The following TEAD3 variants were observed in gnomAD, a reference collection of about 807,000 sequenced individuals.
The protein encoded by TEAD3 is TEA domain transcription factor 3.
Under a neutral mutation model 55.6 loss-of-function variants are expected in TEAD3, and 15 were observed. The ratio of observed to expected loss-of-function variants is 0.27; its 90% CI spans 0.18 to 0.42. TEAD3 has a LOEUF of 0.42. Ranked by LOEUF, TEAD3 falls within the 10% of genes least tolerant of loss-of-function variation. The pLI, the probability that TEAD3 is intolerant of heterozygous loss-of-function variation, is 1.00. For missense variants in TEAD3, 407 were observed against 576.8 expected (o/e 0.71, Z 3.01); for synonymous variants, 210 against 232.2 (o/e 0.90, Z 0.87).
rs1171588886 is a variant in TEAD3 at position 35,486,299 on chromosome 6, T to C, written c.202+162A>G. ...CTGGTTAGGGGGCGAGCCCGGCTTG[T>C]TTATGAGGAGGAGCGCGGAGGAGGA... is the stretch of plus-strand genomic sequence containing the variant. On this transcript the variant is annotated intron_variant, in intron 2 of 12. Transcript: ENST00000639578. This position sits in a 1 kb window ranked among gnomAD's most constrained non-coding sequence, Gnocchi z 7.3. 6.6e-6 allele frequency among the ~76,000 whole-genome samples: 1 copy of C among 152,110 alleles called. No homozygotes were observed. The highest frequency in any genetic ancestry group is 1.9e-4 in the East Asian group (1 of 5,170).
At chr6:35,492,130 C>T (rs1055961083) in intron 1 of TEAD3, among the ~76,000 whole-genome samples, 4 of 152,206 alleles carry the variant, frequency 2.6e-5, no homozygotes, top group African/African-American at 9.7e-5. Context: ...TCCACCCCTG[C>T]AGGGACCCCA....
Position 35,484,484 on chromosome 6 carries a change from G to T in TEAD3, c.267+76C>A. On this transcript the variant is annotated intron_variant, in intron 3 of 12. Transcript: ENST00000639578. This position sits in a 1 kb window ranked among gnomAD's most constrained non-coding sequence, Gnocchi z 5.8. Reference sequence around the variant, plus strand: ...GGGCAGCCTCGAGGAGGTGGGCAGGGTAGGGGCAAGGGGTTGACCGGGGCA... The same window carrying T: ...GGGCAGCCTCGAGGAGGTGGGCAGGTTAGGGGCAAGGGGTTGACCGGGGCA... 2 of 1,442,898 alleles carry T rather than the reference G, an allele frequency of 1.4e-6. No individual in the cohort carries two copies. The highest frequency in any genetic ancestry group is 1.9e-6 in the Non-Finnish European group (2 of 1,047,782). 89.4% of individuals were successfully genotyped at this position (1,442,898 alleles called of 1,614,324 possible).
At chr6:35,497,074 T>C (rs1354558412), upstream of TEAD3, 1 of 129,498 alleles carries the variant, frequency 7.7e-6, no homozygotes, top group African/African-American at 2.8e-5. Flanking sequence ...ACGGAAAGTT[T>C]GTGTTGAGGA....
chr6:35,475,204 G>C lies in TEAD3; in HGVS notation c.1195-47C>G. On this transcript the variant is annotated intron_variant, in intron 12 of 12. Transcript: ENST00000639578. The surrounding 1 kb of genome is among the most constrained non-coding windows in gnomAD (Gnocchi z 5.4). ...GATTCAGGAGGTCAGGGAGAAAAGGGCCACGGGGCAGGGGGCTGAACAGAC... is the reference window on the plus strand; with the variant it reads ...GATTCAGGAGGTCAGGGAGAAAAGGCCCACGGGGCAGGGGGCTGAACAGAC... 6.4e-7 allele frequency: 1 copy of C among 1,569,316 alleles called. No homozygotes were observed. The highest frequency in any genetic ancestry group is 8.7e-7 in the Non-Finnish European group (1 of 1,155,662).
chr6:35,477,377 A>C lies in TEAD3; in HGVS notation c.531-5T>G. The C allele has an allele frequency of 6.2e-7, 1 of 1,600,462 alleles. No homozygotes were observed. Among genetic ancestry groups the C allele is most frequent in the Non-Finnish European group, 8.5e-7 (1 of 1,179,532 alleles). On this transcript the variant is annotated splice_polypyrimidine_tract_variant and splice_region_variant and intron_variant, in intron 7 of 12. Transcript: ENST00000639578. ...GGCTGTGCAAAGGGCTTGATGCTGC[A>C]GACAGGAGCACAGCCTGGTGAGAGG...
At chr6:35,482,751 TA>T (rs1404506767) in intron 3 of TEAD3, among the ~76,000 whole-genome samples, 1 of 152,090 alleles carries the variant, frequency 6.6e-6, no homozygotes, top group Non-Finnish European at 1.5e-5. Flanking sequence ...ATTTTTATAT[TA>T]ATTATAAAAC....
chr6:35,484,643 GA>G lies in TEAD3; in HGVS notation c.203-20del. 1 of 1,579,186 alleles carries G rather than the reference GA, an allele frequency of 6.3e-7. No homozygotes were observed. The highest frequency in any genetic ancestry group is 8.6e-7 in the Non-Finnish European group (1 of 1,161,946). ...TTTCGGCCTAGATTGGGGTGAGAGAGAAAATGAGGAGTGGGCAAAGGGTGGA... is the reference window on the plus strand; with the variant it reads ...TTTCGGCCTAGATTGGGGTGAGAGAGAAATGAGGAGTGGGCAAAGGGTGGA... On this transcript the variant is annotated intron_variant, in intron 2 of 12. Coordinates refer to ENST00000639578, the Ensembl canonical transcript of TEAD3. The surrounding 1 kb of genome is among the most constrained non-coding windows in gnomAD (Gnocchi z 5.8).
intron 1 of TEAD3, among the ~76,000 whole-genome samples, chr6:35,494,878 G>C (rs749816825): frequency 5.4e-5 from 6 of 110,994 alleles, no homozygotes; most frequent in Non-Finnish European, 9.6e-5. Flanking sequence ...CCTGCCCCCC[G>C]CCACCTTTTC....
In TEAD3 at chr6:35,491,860, C is replaced by T. The variant is rs1406901622; in HGVS notation, c.-50+5038G>A. Among the ~76,000 whole-genome samples, 1 of 152,196 alleles carries T rather than the reference C, an allele frequency of 6.6e-6. No homozygotes were observed. Among genetic ancestry groups the T allele is most frequent in the Non-Finnish European group, 1.5e-5 (1 of 68,022 alleles). ...CCTGGGGCAAGACCTGCTGGAAGAA[C>T]TGGCTGGACAGCTCCAGGGATCAGG... On this transcript the variant is annotated intron_variant, in intron 1 of 12. Coordinates refer to ENST00000639578, the Ensembl canonical transcript of TEAD3. The surrounding 1 kb of genome is among the most constrained non-coding windows in gnomAD (Gnocchi z 4.4).
intron 7 of TEAD3, 89 bp downstream of exon 7, chr6:35,478,186 C>T (rs1768191923): frequency 2.0e-6 from 3 of 1,520,372 alleles, no homozygotes; most frequent in Non-Finnish European, 2.7e-6. Context: ...TAAAACTTTG[C>T]TCAGCTGTTG....
exon 13 of TEAD3, chr6:35,474,899 T>C (rs1000268499): frequency 4.8e-6 from 3 of 628,804 alleles, no homozygotes; most frequent in African/African-American, 3.7e-5. Context: ...GTGTGTGTGC[T>C]GGGGTAGGTG....
rs773735537 is a variant in TEAD3, at chr6:35,475,161, G to C, written c.1195-4C>G. ...GGGAGTCCCGGCTCGTGACCACCTG[G>C]GGGGTGAGCAGGTAAGAGATTCAGG... On this transcript the variant is annotated splice_region_variant and splice_polypyrimidine_tract_variant and intron_variant, in intron 12 of 12. Transcript: ENST00000639578. The surrounding 1 kb of genome is among the most constrained non-coding windows in gnomAD (Gnocchi z 5.4). The C allele has an allele frequency of 5.4e-5, 85 of 1,575,508 alleles. No homozygotes were observed. The highest frequency in any genetic ancestry group is 7.0e-5 in the Non-Finnish European group (81 of 1,160,296).
At chr6:35,481,454 A>C (rs1403911578) in intron 3 of TEAD3, among the ~76,000 whole-genome samples, 1 of 152,132 alleles carries the variant, frequency 6.6e-6, no homozygotes, top group Non-Finnish European at 1.5e-5. Flanking sequence ...TAAGTATGTG[A>C]TACCACCTGG....
intron 1 of TEAD3, among the ~76,000 whole-genome samples, chr6:35,493,645 G>A (rs918546988): frequency 6.6e-6 from 1 of 152,224 alleles, no homozygotes; most frequent in African/African-American, 2.4e-5. Flanking sequence ...AGTGTCACAT[G>A]TAAGTCACAC....
intron 1 of TEAD3, among the ~76,000 whole-genome samples, chr6:35,490,492 C>T (rs558269193): frequency 6.6e-6 from 1 of 152,344 alleles, no homozygotes; most frequent in African/African-American, 2.4e-5. Context: ...GTGGCACTCC[C>T]CACACACAGC....
intron 1 of TEAD3, among the ~76,000 whole-genome samples, chr6:35,492,711 G>C (rs1768553436): frequency 6.6e-6 from 1 of 151,592 alleles, no homozygotes; most frequent in Non-Finnish European, 1.5e-5. Flanking sequence ...GGAGCAGAGG[G>C]GGTTGGGATA....
exon 7 of TEAD3, chr6:35,478,306 G>A (rs928573926): frequency 4.3e-6 from 7 of 1,613,894 alleles, no homozygotes; most frequent in Non-Finnish European, 5.9e-6. Flanking sequence ...TGTCCCAGGA[G>A]AGGGGGGCTG....
In TEAD3 at chr6:35,496,351, G is replaced by C. The variant is rs765510324; in HGVS notation, c.-50+547C>G. Among the ~76,000 whole-genome samples, 66 of 152,120 alleles carry C rather than the reference G, an allele frequency of 4.3e-4. No individual in the cohort carries two copies. Among genetic ancestry groups the C allele is most frequent in the Non-Finnish European group, 8.5e-4 (58 of 68,006 alleles). On this transcript the variant is annotated intron_variant, in intron 1 of 12. Transcript: ENST00000639578. The surrounding 1 kb of genome is among the most constrained non-coding windows in gnomAD (Gnocchi z 4.8). The stretch of plus-strand genomic sequence containing the variant: ...CTCAGGGGACACACGGCCGGGGCGC[G>C]CGGCTTTGGTCCCAGACACCCTCCA...
At chr6:35,473,677 C>G (rs1057131544), downstream of TEAD3, 5 of 148,848 alleles carry the variant, frequency 3.4e-5, no homozygotes, top group Non-Finnish European at 5.9e-5. Context: ...TTTGAGGGCC[C>G]CTGCTCCAAC....
Sources: gnomAD v4.1 joint callset for allele counts (sites outside exome capture counted in the v4.1 genomes callset) on GRCh38, gnomAD v4.1.1 for gene constraint, Gnocchi (gnomAD v3.1) non-coding constraint, MANE v1.5 for transcripts, NCBI Gene and HGNC (gene_info 2026-07-23, HGNC 2026-07-21) for gene names.